AFF2: variants seen among roughly 807,000 people sequenced by gnomAD.
AFF2 encodes AF4/FMR2 family member 2.
AFF2 carries 14 observed loss-of-function variants against 76.9 expected under a neutral mutation model. The observed-to-expected ratio is 0.18, with a 90% CI of 0.12 to 0.28. The LOEUF (loss-of-function observed/expected upper bound fraction) is 0.28. Ranked by LOEUF, AFF2 falls within the 10% of genes least tolerant of loss-of-function variation. AFF2 has a pLI of 1.00. For synonymous variants in AFF2, 398 were observed against 366.7 expected, an observed-to-expected ratio of 1.09 and a Z score of -0.98; for missense variants, 868 against 1,001.1, an observed-to-expected ratio of 0.87 and a Z score of 1.79.
At chrX:148,794,862 A>T (rs895001559) in intron 3 of AFF2, among the ~76,000 whole-genome samples, 19 of 111,826 alleles carry the variant, frequency 1.7e-4, no homozygotes, top group African/African-American at 6.2e-4. Context: ...GTTAAACAAC[A>T]GCAGCATGAA....
At chrX:148,600,345 C>T (rs1557247899) in intron 1 of AFF2, among the ~76,000 whole-genome samples, 1 of 111,418 alleles carries the variant, frequency 9.0e-6, no homozygotes, top group Non-Finnish European at 1.9e-5. Flanking sequence ...AAGAAGGGAT[C>T]AGAAAAGGCA....
At chrX:148,954,933 C>A (rs1239070388) in intron 10 of AFF2, among the ~76,000 whole-genome samples, 1 of 112,415 alleles carries the variant, frequency 8.9e-6, no homozygotes, top group Non-Finnish European at 1.9e-5. Flanking sequence ...GAATCAAGGA[C>A]CCGAATAGTA....
intron 3 of AFF2, among the ~76,000 whole-genome samples, chrX:148,729,516 G>A (rs2055197307): frequency 1.8e-5 from 2 of 111,514 alleles, no homozygotes; most frequent in Admixed American, 1.9e-4. Context: ...GTGAGAGGGA[G>A]AATGGATTTG....
At chrX:148,701,388 T>C (rs1699371365) in intron 3 of AFF2, among the ~76,000 whole-genome samples, 1 of 111,287 alleles carries the variant, frequency 9.0e-6, no homozygotes, top group South Asian at 3.8e-4. Context: ...CCATCTGTTC[T>C]GATATCCATT....
chrX:148,764,350 A>G (rs781886125), intron 3 of AFF2, among the ~76,000 whole-genome samples: 1 of 112,367 alleles, frequency 8.9e-6, no homozygotes, highest in Admixed American at 9.4e-5. Flanking sequence ...GAGAGCATAC[A>G]AAATGCAATG....
At chrX:148,768,645 G>T (rs1569555201) in intron 3 of AFF2, among the ~76,000 whole-genome samples, 1 of 112,138 alleles carries the variant, frequency 8.9e-6, no homozygotes, top group Non-Finnish European at 1.9e-5. Context: ...TGGCTATAGA[G>T]AAGCTATTCC....
At position 148,790,036 on chromosome X, in the gene AFF2, G is replaced by A. The variant is rs7053459; in HGVS notation, c.1042-19840G>A. ...TGGCCCATTATGAGATTTACTTATT[G>A]TCCAACTTAGCACTCTGAAAACAGA... On this transcript the variant is annotated intron_variant, in intron 3 of 20. Coordinates refer to ENST00000370460, the MANE Select transcript of AFF2 (RefSeq NM_002025.4). Among the ~76,000 whole-genome samples, 124 of 111,411 alleles carry A rather than the reference G, an allele frequency of 1.1e-3. 2 individuals are homozygous for A. Among genetic ancestry groups the A allele is most frequent in the Non-Finnish European group, 2.0e-3 (107 of 53,061 alleles).
At chrX:148,888,100 A>G (rs782767760) in intron 8 of AFF2, among the ~76,000 whole-genome samples, 3 of 112,043 alleles carry the variant, frequency 2.7e-5, no homozygotes, top group Non-Finnish European at 5.6e-5. Flanking sequence ...ACTTAATACA[A>G]TCACAAGACT....
chrX:148,692,447 A>C (rs1316848621), intron 3 of AFF2, among the ~76,000 whole-genome samples: 3 of 112,178 alleles, frequency 2.7e-5, no homozygotes, highest in African/African-American at 9.7e-5. Flanking sequence ...CACAAGACCC[A>C]CAGTATTCCA....
chrX:148,893,641 G>A (rs2071248714), intron 8 of AFF2, among the ~76,000 whole-genome samples: 1 of 111,732 alleles, frequency 8.9e-6, no homozygotes. Flanking sequence ...CACTGGTGAG[G>A]GTATGTTGTT....
intron 1 of AFF2, among the ~76,000 whole-genome samples, chrX:148,589,040 C>CA (rs1557246237): frequency 1.8e-5 from 2 of 109,472 alleles, no homozygotes; most frequent in African/African-American, 6.7e-5. Flanking sequence ...CATACCTAGC[C>CA]AGCAGGTCTC....
chrX:148,919,775 A>T (rs1445214602), intron 9 of AFF2, among the ~76,000 whole-genome samples: 1 of 111,530 alleles, frequency 9.0e-6, no homozygotes, highest in Non-Finnish European at 1.9e-5. Context: ...CCTTAATAAA[A>T]AAAAGAAACA....
intron 4 of AFF2, among the ~76,000 whole-genome samples, chrX:148,810,937 C>A (rs1273527396): frequency 9.0e-6 from 1 of 111,520 alleles, no homozygotes; most frequent in Non-Finnish European, 1.9e-5. Flanking sequence ...GTGTTTGAAG[C>A]AAGCCCTGAG....
chrX:148,707,332 C>G (rs2054897964), intron 3 of AFF2, among the ~76,000 whole-genome samples: 1 of 110,953 alleles, frequency 9.0e-6, no homozygotes, highest in Non-Finnish European at 1.9e-5. Flanking sequence ...GTTGTAGAGA[C>G]TAAAATCTGT....
In AFF2 at chrX:148,504,634, G is replaced by C. The variant is rs182537213; in HGVS notation, c.47+3490G>C. On this transcript the variant is annotated intron_variant, in intron 1 of 20. Coordinates refer to ENST00000370460, the MANE Select transcript of AFF2 (RefSeq NM_002025.4). ...CAAGGCTGAGAAGGGGCCATGTGCCGGCCAGGCCTCTCCTCCTCCGGTAAA... is the reference window on the plus strand; with the variant it reads ...CAAGGCTGAGAAGGGGCCATGTGCCCGCCAGGCCTCTCCTCCTCCGGTAAA... 9.7e-5 allele frequency among the ~76,000 whole-genome samples: 11 copies of C among 113,246 alleles called. No homozygotes were observed. The East Asian group carries it at 3.1e-3, about 32-fold the overall frequency.
intron 16 of AFF2, among the ~76,000 whole-genome samples, 157 bp downstream of exon 16, chrX:148,973,764 G>A (rs782203692): frequency 8.9e-6 from 1 of 112,020 alleles, no homozygotes; most frequent in Admixed American, 9.4e-5. Context: ...TTAATATCAT[G>A]GAAAATTTAT....
chrX:148,785,855 C>G (rs2069813345), intron 3 of AFF2, among the ~76,000 whole-genome samples: 1 of 111,828 alleles, frequency 8.9e-6, no homozygotes, highest in Non-Finnish European at 1.9e-5. Context: ...TGAGGGAGCA[C>G]TGAAGTTACG....
intron 15 of AFF2, among the ~76,000 whole-genome samples, chrX:148,968,040 G>A (rs112359038): frequency 7.5e-4 from 84 of 111,655 alleles, no homozygotes; most frequent in African/African-American, 2.6e-3. Context: ...CAGTAAGCCA[G>A]AACTCGTGTG....
chrX:148,755,926 T>A (rs1557266860), intron 3 of AFF2, among the ~76,000 whole-genome samples: 1 of 112,111 alleles, frequency 8.9e-6, no homozygotes, highest in Admixed American at 9.5e-5. Flanking sequence ...TGGCTAGTTT[T>A]AATGTTTATA....
Sources: gnomAD v4.1 joint callset for allele counts (sites outside exome capture counted in the v4.1 genomes callset) on GRCh38, gnomAD v4.1.1 for gene constraint, MANE v1.5 for transcripts, NCBI Gene and HGNC (gene_info 2026-07-23, HGNC 2026-07-21) for gene names.